BABAM2: variants seen among roughly 807,000 people sequenced by gnomAD.
BABAM2 encodes the protein BRISC and BRCA1-A complex member 2.
A neutral mutation model predicts 54.7 loss-of-function variants in BABAM2; 31 were observed. The observed-to-expected ratio is 0.57, with a 90% CI of 0.43 to 0.77. The LOEUF is 0.77. Among genes scored for constraint, BABAM2 ranks in the 30% least tolerant of loss-of-function variants. The probability of loss-of-function intolerance (pLI) is 0.00; values close to 1 mark genes in which losing one functional copy is unlikely to be tolerated. For missense variants in BABAM2, 364 were observed against 455.8 expected (o/e 0.80, Z 1.83); for synonymous variants, 167 against 162.9 (o/e 1.03, Z -0.19).
chr2:27,926,432 C>G (rs1394064784), intron 2 of BABAM2, among the ~76,000 whole-genome samples: 3 of 152,200 alleles, frequency 2.0e-5, no homozygotes, highest in Non-Finnish European at 4.4e-5. Flanking sequence ...CAGCTGTTTG[C>G]TCTGCCTGGA....
rs115588695 is a variant in BABAM2 at position 28,281,717 on chromosome 2, G to A, written c.935-16621G>A. Reference sequence around the variant, plus strand: ...GAGCCACTGGATTTAACATCTGAAGGCTTGAATTCAAGGCCAGCTCTGTCA... The same window carrying A: ...GAGCCACTGGATTTAACATCTGAAGACTTGAATTCAAGGCCAGCTCTGTCA... On this transcript the variant is annotated intron_variant, in intron 10 of 11. Coordinates refer to ENST00000379624, the MANE Select transcript of BABAM2 (RefSeq NM_199191.3). Among the ~76,000 whole-genome samples the A allele has an allele frequency of 7.2e-3, 1,090 of 152,292 alleles. 9 individuals carry two copies. The highest frequency in any genetic ancestry group is 0.025 in the African/African-American group (1,033 of 41,558).
intron 4 of BABAM2, among the ~76,000 whole-genome samples, chr2:28,014,106 T>C (rs1482813279): frequency 1.3e-5 from 2 of 152,208 alleles, no homozygotes; most frequent in Non-Finnish European, 2.9e-5. Flanking sequence ...TCCATGGCCA[T>C]GTTATGATTA....
chr2:28,232,306 C>T (rs1008319725), intron 7 of BABAM2, among the ~76,000 whole-genome samples: 1 of 152,204 alleles, frequency 6.6e-6, no homozygotes, highest in Non-Finnish European at 1.5e-5. Context: ...GTTGCTGTTT[C>T]ATAATGGGTC....
intron 7 of BABAM2, among the ~76,000 whole-genome samples, chr2:28,166,554 T>C (rs1273480222): frequency 6.6e-6 from 1 of 152,152 alleles, no homozygotes; most frequent in African/African-American, 2.4e-5. Context: ...TTCTGGCCTT[T>C]GATTGGGTTC....
chr2:28,007,985 A>AATGAATTG (rs1216478989), intron 4 of BABAM2, among the ~76,000 whole-genome samples: 1 of 152,130 alleles, frequency 6.6e-6, no homozygotes, highest in African/African-American at 2.4e-5. Flanking sequence ...TTTTGTTTAT[A>AATGAATTG]ATGAATTGAA....
At chr2:28,147,623 G>A (rs1037202036) in intron 7 of BABAM2, among the ~76,000 whole-genome samples, 38 of 151,890 alleles carry the variant, frequency 2.5e-4, no homozygotes, top group Admixed American at 5.2e-4. Context: ...ACAGGCGCCC[G>A]CCACCACGCC....
intron 6 of BABAM2, among the ~76,000 whole-genome samples, chr2:28,054,865 T>C (rs1678272653): frequency 6.6e-6 from 1 of 152,244 alleles, no homozygotes; most frequent in Admixed American, 6.5e-5. Flanking sequence ...ATAATAAATA[T>C]GATGGTACTT....
chr2:28,208,029 CTGTGTGTGTGTGTG>C (rs4043353), intron 7 of BABAM2, among the ~76,000 whole-genome samples: 1,812 of 149,824 alleles, frequency 0.012, 27 homozygotes, highest in South Asian at 0.052. Flanking sequence ...GTGTTAAAGG[CTGTGTGTGTGTGTG>C]TGTGTGTGTG....
At chr2:28,043,578 A>G (rs2148607011) in intron 5 of BABAM2, among the ~76,000 whole-genome samples, 1 of 152,218 alleles carries the variant, frequency 6.6e-6, no homozygotes, top group South Asian at 2.1e-4. Flanking sequence ...CTATGCTGTT[A>G]TTGTTGCCTC....
At chr2:28,173,523 T>G (rs972732282) in intron 7 of BABAM2, among the ~76,000 whole-genome samples, 2 of 152,016 alleles carry the variant, frequency 1.3e-5, no homozygotes, top group Non-Finnish European at 2.9e-5. Flanking sequence ...TTGTAGTCAT[T>G]AAAAAGCAAC....
chr2:27,937,935 TC>T (rs1360488583), intron 3 of BABAM2, among the ~76,000 whole-genome samples: 21 of 152,236 alleles, frequency 1.4e-4, no homozygotes, highest in African/African-American at 4.8e-4. Context: ...TTTCATAGTT[TC>T]CGATCTTACG....
At chr2:27,996,800 C>T (rs1160764704) in intron 4 of BABAM2, among the ~76,000 whole-genome samples, 5 of 152,136 alleles carry the variant, frequency 3.3e-5, no homozygotes, top group Non-Finnish European at 7.3e-5. Flanking sequence ...CAGCTCCTCT[C>T]CTTGAGGTTT....
chr2:28,248,196 A>ATTTTCTTTTTCT (rs147323780), intron 10 of BABAM2, among the ~76,000 whole-genome samples: 8 of 101,540 alleles, frequency 7.9e-5, no homozygotes, highest in Non-Finnish European at 1.1e-4. Context: ...GCTTTTGTTT[A>ATTTTCTTTTTCT]TTTTCTTTTT....
Position 27,988,039 on chromosome 2 carries a change from T to C in BABAM2, c.252T>C (p.Phe84=). 3.7e-6 allele frequency: 6 copies of C among 1,613,830 alleles called. No individual in the cohort carries two copies. Among genetic ancestry groups the C allele is most frequent in the Non-Finnish European group, 5.1e-6 (6 of 1,179,746 alleles). Reference sequence around the variant, plus strand: ...AATACCCAGAACTGCCTCCCGATTTTATCTTTGGAGAAGATGCTGAATTCC... The same window carrying C: ...AATACCCAGAACTGCCTCCCGATTTCATCTTTGGAGAAGATGCTGAATTCC... ...NAQYPELPPD[F]IFGEDAEFLP... is the part of the protein sequence containing the mutation. Residue 84 remains phenylalanine, a synonymous_variant, in exon 4 of 12, where the codon TTT becomes TTC. Transcript: ENST00000379624.
Position 28,088,602 on chromosome 2 carries a change from C to T in BABAM2, c.571-40669C>T, listed in dbSNP as rs190738804. 2.1e-3 allele frequency among the ~76,000 whole-genome samples: 320 copies of T among 152,234 alleles called. 2 individuals carry two copies. The highest frequency in any genetic ancestry group is 3.9e-3 in the Non-Finnish European group (267 of 68,012). ...CTGCTCTAAGCCAGTGTTGCCCAAC[C>T]GTGACCATACCTGGGGAGCTTTAAA... On this transcript the variant is annotated intron_variant, in intron 6 of 11. Coordinates refer to ENST00000379624, the MANE Select transcript of BABAM2 (RefSeq NM_199191.3).
chr2:28,192,860 A>T (rs1044980353), intron 7 of BABAM2, among the ~76,000 whole-genome samples: 6 of 151,756 alleles, frequency 4.0e-5, no homozygotes, highest in Admixed American at 1.3e-4. Context: ...CATTTGTTTC[A>T]TGAAAATTGC....
chr2:28,229,464 C>G (rs1199884997), intron 7 of BABAM2, among the ~76,000 whole-genome samples: 1 of 152,200 alleles, frequency 6.6e-6, no homozygotes, highest in Non-Finnish European at 1.5e-5. Flanking sequence ...CTACTCTGTT[C>G]TGTGGAGAAT....
intron 10 of BABAM2, among the ~76,000 whole-genome samples, chr2:28,259,074 C>CTTTTTTTTTTTTTT (rs70956009): frequency 4.3e-5 from 1 of 23,424 alleles, no homozygotes; most frequent in Non-Finnish European, 7.4e-5. Flanking sequence ...TGCACCTGGC[C>CTTTTTTTTTTTTTT]TTTTTTTTTT....
intron 7 of BABAM2, among the ~76,000 whole-genome samples, chr2:28,203,363 G>A (rs1678484809): frequency 6.6e-6 from 1 of 152,034 alleles, no homozygotes; most frequent in Non-Finnish European, 1.5e-5. Flanking sequence ...ATGAATTTTT[G>A]GAAGACCCTC....
Sources: gnomAD v4.1 joint callset for allele counts (sites outside exome capture counted in the v4.1 genomes callset) on GRCh38, gnomAD v4.1.1 for gene constraint, MANE v1.5 for transcripts, NCBI Gene and HGNC (gene_info 2026-07-23, HGNC 2026-07-21) for gene names.